DHX30: variants seen among roughly 807,000 people sequenced by gnomAD.
DHX30 encodes the protein DExH-box helicase 30.
In DHX30, 4 loss-of-function variants were observed where a neutral mutation model predicts 116.9. The ratio of observed to expected loss-of-function variants is 0.03; its 90% CI spans 0.02 to 0.08. DHX30 has a LOEUF of 0.08. Among genes scored for constraint, DHX30 ranks in the 10% least tolerant of loss-of-function variants. DHX30 has a pLI of 1.00. For synonymous variants in DHX30, 697 were observed against 651.7 expected, an observed-to-expected ratio of 1.07 and a Z score of -1.06; for missense variants, 871 against 1,595.1, an observed-to-expected ratio of 0.55 and a Z score of 7.73.
intron 4 of DHX30, chr3:47,825,344 G>A: frequency 1.9e-6 from 1 of 538,870 alleles, no homozygotes; most frequent in Non-Finnish European, 3.2e-6. Flanking sequence ...GGCGGCCGGG[G>A]GTCCTCTCTT....
intron 3 of DHX30, among the ~76,000 whole-genome samples, chr3:47,817,626 C>T (rs545201367): frequency 1.3e-5 from 2 of 152,246 alleles, no homozygotes; most frequent in Admixed American, 1.3e-4. Context: ...ATAGCAAAGG[C>T]GTAGGTAGCT....
chr3:47,841,523 TG>T, intron 7 of DHX30, 93 bp from the exon 8 acceptor site: 1 of 1,552,880 alleles, frequency 6.4e-7, no homozygotes, highest in Admixed American at 1.8e-5. Flanking sequence ...GGCTCCCTGC[TG>T]CAGCGCAGCG....
In DHX30 at chr3:47,847,487, C is replaced by G; in HGVS notation, c.2061C>G (p.Arg687=). 6.2e-7 allele frequency: 1 copy of G among 1,613,150 alleles called. No homozygotes were observed. Among genetic ancestry groups the G allele is most frequent in the Non-Finnish European group, 8.5e-7 (1 of 1,179,428 alleles). ...AGGAGATCAAAGGAGTGCAGCAGCG[C>G]CTCCAGGAGGCCCTGGGCATGCACG... ...GWQEIKGVQQ[R]LQEALGMHES... Residue 687 remains arginine (R), a synonymous_variant, in exon 13 of 22, where the codon CGC becomes CGG. Coordinates refer to ENST00000445061, the MANE Select transcript of DHX30 (RefSeq NM_138615.3). This position sits in a 1 kb window ranked among gnomAD's most constrained non-coding sequence, Gnocchi z 5.5.
At chr3:47,825,196 T>G in intron 4 of DHX30, 1 of 654,032 alleles carries the variant, frequency 1.5e-6, no homozygotes, top group Non-Finnish European at 2.8e-6. Flanking sequence ...CGAGGCCGAG[T>G]CAGGGATGGC....
At chr3:47,805,465 T>G in intron 2 of DHX30, 45 bp downstream of exon 2, 1 of 398,978 alleles carries the variant, frequency 2.5e-6, no homozygotes, top group Non-Finnish European at 4.4e-6. Flanking sequence ...GATCTGATGC[T>G]CAGCTGTACT....
chr3:47,837,467 TTTC>T (rs2037173282), intron 6 of DHX30, among the ~76,000 whole-genome samples: 1 of 151,212 alleles, frequency 6.6e-6, no homozygotes, highest in Non-Finnish European at 1.5e-5. Flanking sequence ...GTGGAGGAGG[TTTC>T]TTCAACGGTA....
chr3:47,817,908 C>CCA, intron 3 of DHX30, 114 bp from the exon 4 acceptor site: 2 of 774,266 alleles, frequency 2.6e-6, no homozygotes, highest in Non-Finnish European at 4.8e-6. Context: ...CCAGCACTGT[C>CCA]CAGCAGCCCT....
intron 4 of DHX30, among the ~76,000 whole-genome samples, chr3:47,824,296 C>T (rs1399666586): frequency 6.6e-6 from 1 of 152,124 alleles, no homozygotes; most frequent in Non-Finnish European, 1.5e-5. Flanking sequence ...AGCCACTGCG[C>T]CTGGCGAGGA....
chr3:47,814,007 T>A (rs1447054536), intron 3 of DHX30, among the ~76,000 whole-genome samples: 2 of 151,180 alleles, frequency 1.3e-5, no homozygotes, highest in African/African-American at 2.4e-5. Context: ...TTGTGTTTAC[T>A]TACTAACCAG....
At chr3:47,835,771 G>C (rs550076525) in intron 6 of DHX30, among the ~76,000 whole-genome samples, 1 of 152,334 alleles carries the variant, frequency 6.6e-6, no homozygotes, top group East Asian at 1.9e-4. Flanking sequence ...TATAAGATAT[G>C]TCATTTGTAA....
At chr3:47,843,386 C>T in intron 9 of DHX30, 131 bp downstream of exon 9, 2 of 1,268,500 alleles carry the variant, frequency 1.6e-6, no homozygotes, top group Non-Finnish European at 1.1e-6. Context: ...ACAAAGACAG[C>T]TGGTATGCAG....
chr3:47,843,089 T>C lies in DHX30; in HGVS notation c.790-17T>C, dbSNP rs1311561548. 1 of 1,613,666 alleles carries C rather than the reference T, an allele frequency of 6.2e-7. No homozygotes were observed. Among genetic ancestry groups the C allele is most frequent in the Non-Finnish European group, 8.5e-7 (1 of 1,179,636 alleles). ...TTCCCTACATTTCTGTAACCATCTCTCTTGCCTTCCATGTAGAACCTCATG... is the reference window on the plus strand; with the variant it reads ...TTCCCTACATTTCTGTAACCATCTCCCTTGCCTTCCATGTAGAACCTCATG... On this transcript the variant is annotated splice_polypyrimidine_tract_variant and intron_variant, in intron 8 of 21. Transcript: ENST00000445061.
At position 47,847,595 on chromosome 3, in the gene DHX30, G is replaced by T; in HGVS notation, c.2110+59G>T. 6.7e-7 allele frequency: 1 copy of T among 1,498,044 alleles called. No individual in the cohort carries two copies. Among genetic ancestry groups the T allele is most frequent in the Non-Finnish European group, 9.0e-7 (1 of 1,116,020 alleles). The allele number at this position is 1,498,044 out of a possible 1,614,324, so 92.8% of individuals were successfully genotyped here. On this transcript the variant is annotated intron_variant, in intron 13 of 21. Coordinates refer to ENST00000445061, the MANE Select transcript of DHX30 (RefSeq NM_138615.3). This position sits in a 1 kb window ranked among gnomAD's most constrained non-coding sequence, Gnocchi z 5.5. Reference sequence around the variant, plus strand: ...GGAAACCAGCCTGACCTCTGTCCTAGGGACTGACCCAACTGGGACTCCAGG... The same window carrying T: ...GGAAACCAGCCTGACCTCTGTCCTATGGACTGACCCAACTGGGACTCCAGG...
Position 47,816,115 on chromosome 3 carries a change from T to A in DHX30, c.29-1907T>A, listed in dbSNP as rs2036038899. On this transcript the variant is annotated intron_variant, in intron 3 of 21. Transcript: ENST00000445061. ...TTCTAGAAGATCCTACAAGCACGTC[T>A]GCTGTAACTCTATGTATGTTTTCTG... 4 of 984,662 alleles carry A rather than the reference T, an allele frequency of 4.1e-6. No homozygotes were observed. The South Asian group carries it at 1.4e-4, about 35-fold the overall frequency. The allele number at this position is 984,662 out of a possible 1,614,324, so 61.0% of individuals were successfully genotyped here. A position where few individuals can be genotyped will look rare whatever the true frequency, so the allele number is the denominator to read the frequency against.
rs943271389 is a variant in DHX30, at chr3:47,847,176, T to C, written c.1930-97T>C. 2.6e-6 allele frequency: 4 copies of C among 1,531,674 alleles called. No homozygotes were observed. Among genetic ancestry groups the C allele is most frequent in the Non-Finnish European group, 2.7e-6 (3 of 1,108,178 alleles). 94.9% of individuals were successfully genotyped at this position (1,531,674 alleles called of 1,614,324 possible). A position where few individuals can be genotyped will look rare whatever the true frequency, so the allele number is the denominator to read the frequency against. On this transcript the variant is annotated intron_variant, in intron 11 of 21. Coordinates refer to ENST00000445061, the MANE Select transcript of DHX30 (RefSeq NM_138615.3). This position sits in a 1 kb window ranked among gnomAD's most constrained non-coding sequence, Gnocchi z 5.5. ...TGGCACACGTGAGGATTGGAGTTGA[T>C]GTCAAGCGGCTCCGTCTCACTGAGT... is the stretch of plus-strand genomic sequence containing the variant.
At chr3:47,849,599 A>C (rs377573583) in intron 20 of DHX30, 31 bp from the exon 21 acceptor site, 4 of 1,614,096 alleles carry the variant, frequency 2.5e-6, no homozygotes, top group Non-Finnish European at 3.4e-6. Context: ...ATGGTCCAAA[A>C]GGGTGGCCTC....
Position 47,847,673 on chromosome 3 carries a change from C to A in DHX30, c.2111-108C>A. On this transcript the variant is annotated intron_variant, in intron 13 of 21. Coordinates refer to ENST00000445061, the MANE Select transcript of DHX30 (RefSeq NM_138615.3). This position sits in a 1 kb window ranked among gnomAD's most constrained non-coding sequence, Gnocchi z 5.5. ...ACTTTTCACTGGGCATAGTGTTTAT[C>A]TGCGCCTGTTTCATCAAAATGGGGT... is the stretch of plus-strand genomic sequence containing the variant. 1 of 1,483,470 alleles carries A rather than the reference C, an allele frequency of 6.7e-7. No homozygotes were observed. Among genetic ancestry groups the A allele is most frequent in the South Asian group, 1.3e-5 (1 of 75,190 alleles). 91.9% of individuals were successfully genotyped at this position (1,483,470 alleles called of 1,614,324 possible).
intron 3 of DHX30, among the ~76,000 whole-genome samples, chr3:47,815,091 C>T (rs2035992348): frequency 6.6e-6 from 1 of 151,968 alleles, no homozygotes. Context: ...GTGTCATGAA[C>T]CTTGAGAGGA....
At chr3:47,813,516 G>A (rs779783358) in intron 3 of DHX30, among the ~76,000 whole-genome samples, 1 of 152,202 alleles carries the variant, frequency 6.6e-6, no homozygotes, top group African/African-American at 2.4e-5. Context: ...GATCCTGAGA[G>A]CTTTGTATTT....
Sources: gnomAD v4.1 joint callset for allele counts (sites outside exome capture counted in the v4.1 genomes callset) on GRCh38, gnomAD v4.1.1 for gene constraint, Gnocchi (gnomAD v3.1) non-coding constraint, MANE v1.5 for transcripts, NCBI Gene and HGNC (gene_info 2026-07-23, HGNC 2026-07-21) for gene names.